Variants in SMIM13 observed in about 807,000 individuals in gnomAD.
SMIM13 encodes small integral membrane protein 13, also known as UPF0766 protein C6orf228.
In SMIM13, 3 loss-of-function variants were observed where a neutral mutation model predicts 5.9. The ratio of observed to expected loss-of-function variants is 0.51; its 90% CI spans 0.23 to 1.31. The LOEUF (loss-of-function observed/expected upper bound fraction) is 1.31. Among genes scored for constraint, SMIM13 ranks in the 40% most tolerant of loss-of-function variants. SMIM13 has a pLI of 0.18. For missense variants in SMIM13, 85 were observed against 109.9 expected (o/e 0.77, Z 1.01); for synonymous variants, 55 against 46.0 (o/e 1.19, Z -0.79).
At chr6:11,100,860 C>T (rs1162379811) in intron 1 of SMIM13, among the ~76,000 whole-genome samples, 1 of 152,066 alleles carries the variant, frequency 6.6e-6, no homozygotes, top group African/African-American at 2.4e-5. Flanking sequence ...CTTGGTTTCT[C>T]TTTCAAGATG....
At chr6:11,113,937 T>C (rs917707414) in intron 1 of SMIM13, among the ~76,000 whole-genome samples, 9 of 151,828 alleles carry the variant, frequency 5.9e-5, no homozygotes, top group Admixed American at 2.6e-4. Context: ...GTCCTTCTTA[T>C]CAAGTTTTTA....
At position 11,094,338 on chromosome 6, in the gene SMIM13, C is replaced by T. The variant is rs149856795; in HGVS notation, c.25C>T (p.Leu9=). The change falls in exon 1 of 2, where the codon CTG becomes TTG. Residue 9 remains leucine, a synonymous_variant. Coordinates refer to ENST00000416247, the MANE Select transcript of SMIM13 (RefSeq NM_001135575.2). Reference sequence around the variant, plus strand: ...GATGTGGCACAGCGTCGGGCTGACTCTGCTTGTGTTCGTGGCCACGCTGCT... The same window carrying T: ...GATGTGGCACAGCGTCGGGCTGACTTTGCTTGTGTTCGTGGCCACGCTGCT... MWHSVGLT[L]LVFVATLLIV... 46,649 of 1,533,656 alleles carry T rather than the reference C, an allele frequency of 0.03. 876 individuals carry two copies. Among genetic ancestry groups the T allele is most frequent in the South Asian group, 0.053 (4,428 of 83,442 alleles).
chr6:11,125,294 TAA>T (rs34260357), intron 1 of SMIM13, among the ~76,000 whole-genome samples: 28 of 105,158 alleles, frequency 2.7e-4, no homozygotes, highest in African/African-American at 7.7e-4. Context: ...GACTCCATCT[TAA>T]AAAAAAAAAA....
At chr6:11,099,633 A>G (rs1221437253) in intron 1 of SMIM13, among the ~76,000 whole-genome samples, 3 of 152,262 alleles carry the variant, frequency 2.0e-5, no homozygotes. Context: ...ACAAATGAAT[A>G]GATGAATGCT....
intron 1 of SMIM13, among the ~76,000 whole-genome samples, chr6:11,121,653 T>C (rs556098807): frequency 6.6e-6 from 1 of 152,366 alleles, no homozygotes; most frequent in South Asian, 2.1e-4. Context: ...GGTGATGCTT[T>C]ATTTTCTATT....
chr6:11,133,402 C>A lies in SMIM13; in HGVS notation c.77-1001C>A, dbSNP rs529299689. Among the ~76,000 whole-genome samples the A allele has an allele frequency of 2.6e-5, 4 of 152,042 alleles. No homozygotes were observed. The South Asian group carries it at 6.2e-4, about 24-fold the overall frequency. On this transcript the variant is annotated intron_variant, in intron 1 of 1. Coordinates refer to ENST00000416247, the MANE Select transcript of SMIM13 (RefSeq NM_001135575.2). ...TTTCCAGAGATAGTAAGAAAAAAAA[C>A]AAGTAAAATTAGAAACTCCCCTTAC... is the stretch of plus-strand genomic sequence containing the variant.
chr6:11,104,445 G>GA, intron 1 of SMIM13: 1 of 1,551,844 alleles, frequency 6.4e-7, no homozygotes, highest in East Asian at 2.4e-5. Context: ...AAGGCATGTA[G>GA]AGATATGGAA....
chr6:11,113,313 A>G (rs1581915869), intron 1 of SMIM13, among the ~76,000 whole-genome samples: 1 of 152,116 alleles, frequency 6.6e-6, no homozygotes, highest in East Asian at 1.9e-4. Context: ...GTCTGTTTTT[A>G]ATTTAGCCAT....
chr6:11,112,260 T>TC (rs1471619786), intron 1 of SMIM13, among the ~76,000 whole-genome samples: 1 of 148,442 alleles, frequency 6.7e-6, no homozygotes, highest in East Asian at 2.0e-4. Context: ...ACTGCTTGCT[T>TC]TTTTTTTTTT....
chr6:11,102,229 G>A (rs1758003918), intron 1 of SMIM13, among the ~76,000 whole-genome samples: 1 of 152,136 alleles, frequency 6.6e-6, no homozygotes, highest in Admixed American at 6.5e-5. Flanking sequence ...ACCCTGTGAG[G>A]ATGGCTTCAG....
At chr6:11,119,919 G>A (rs766869732) in intron 1 of SMIM13, among the ~76,000 whole-genome samples, 3 of 152,198 alleles carry the variant, frequency 2.0e-5, no homozygotes, top group African/African-American at 7.2e-5. Flanking sequence ...TGAGAAAGGG[G>A]TGTGTACAAT....
At chr6:11,099,462 C>T (rs1463226729) in intron 1 of SMIM13, among the ~76,000 whole-genome samples, 2 of 152,160 alleles carry the variant, frequency 1.3e-5, no homozygotes, top group Admixed American at 6.5e-5. Flanking sequence ...TGTGACCCAC[C>T]GTGCCTGGCC....
rs768072105 is a variant in SMIM13, at chr6:11,136,331, TAAAC to T, written c.*1732_*1735del. On this transcript the variant is annotated 3_prime_UTR_variant, in exon 2 of 2. Coordinates refer to ENST00000416247, the MANE Select transcript of SMIM13 (RefSeq NM_001135575.2). Reference sequence around the variant, plus strand: ...TTTACCAGGGAGAAGAGATGTGAATTAAACAACCTTCCTGTTTAGTGTTACCTGC... The same window carrying T: ...TTTACCAGGGAGAAGAGATGTGAATTAACCTTCCTGTTTAGTGTTACCTGC... 6.6e-6 allele frequency: 1 copy of T among 152,204 alleles called. No individual in the cohort carries two copies. The highest frequency in any genetic ancestry group is 1.5e-5 in the Non-Finnish European group (1 of 68,044). The allele number at this position is 152,204 out of a possible 1,614,324, so 9.4% of individuals were successfully genotyped here.
intron 1 of SMIM13, chr6:11,102,508 A>T (rs1375701829): frequency 6.6e-6 from 1 of 152,226 alleles, no homozygotes; most frequent in East Asian, 1.9e-4. Flanking sequence ...TAGAGAGTTT[A>T]TTTGAGCAAG....
intron 1 of SMIM13, among the ~76,000 whole-genome samples, chr6:11,097,748 G>A (rs1460541904): frequency 3.3e-5 from 5 of 152,006 alleles, no homozygotes; most frequent in Non-Finnish European, 7.4e-5. Flanking sequence ...AATTTGGATG[G>A]CACACGATTC....
chr6:11,128,161 C>G (rs1038381584), intron 1 of SMIM13, among the ~76,000 whole-genome samples: 3 of 152,200 alleles, frequency 2.0e-5, no homozygotes, highest in Non-Finnish European at 2.9e-5. Context: ...GAGTCTCACT[C>G]AAGGCCCTCA....
At chr6:11,098,992 C>A (rs1281941375) in intron 1 of SMIM13, among the ~76,000 whole-genome samples, 1 of 152,160 alleles carries the variant, frequency 6.6e-6, no homozygotes, top group Non-Finnish European at 1.5e-5. Flanking sequence ...CTTGCCCTTA[C>A]TGTATGAGAA....
At position 11,094,337 on chromosome 6, in the gene SMIM13, T is replaced by A. The variant is rs1415859871; in HGVS notation, c.24T>A (p.Thr8=). MWHSVGL[T]LLVFVATLLI... is the part of the protein sequence containing the mutation. ...AGATGTGGCACAGCGTCGGGCTGACTCTGCTTGTGTTCGTGGCCACGCTGC... is the reference window on the plus strand; with the variant it reads ...AGATGTGGCACAGCGTCGGGCTGACACTGCTTGTGTTCGTGGCCACGCTGC... Residue 8 remains threonine (T), a synonymous_variant, in exon 1 of 2, where the codon ACT becomes ACA. Transcript: ENST00000416247. The A allele has an allele frequency of 1.3e-6, 2 of 1,532,898 alleles. No homozygotes were observed. The highest frequency in any genetic ancestry group is 1.8e-6 in the Non-Finnish European group (2 of 1,141,670). 95.0% of individuals were successfully genotyped at this position (1,532,898 alleles called of 1,614,324 possible).
At chr6:11,109,347 C>T (rs1758136089) in intron 1 of SMIM13, among the ~76,000 whole-genome samples, 1 of 152,138 alleles carries the variant, frequency 6.6e-6, no homozygotes, top group Non-Finnish European at 1.5e-5. Flanking sequence ...TCCACTGGGA[C>T]CACTAAACCT....
Sources: gnomAD v4.1 joint callset for allele counts (sites outside exome capture counted in the v4.1 genomes callset) on GRCh38, gnomAD v4.1.1 for gene constraint, MANE v1.5 for transcripts, NCBI Gene and HGNC (gene_info 2026-07-23, HGNC 2026-07-21) for gene names.